TLL1: variants seen among roughly 807,000 people sequenced by gnomAD.
TLL1 encodes the protein tolloid like 1.
TLL1 carries 49 observed loss-of-function variants against 128.2 expected under a neutral mutation model. That is an observed-to-expected ratio of 0.38 (90% CI 0.30 to 0.48). The LOEUF (loss-of-function observed/expected upper bound fraction) is 0.48, where lower values mean the gene tolerates loss of function less well. TLL1 is among the 20% of genes least tolerant of loss of function. The pLI is 0.96. For synonymous variants in TLL1, 454 were observed against 418.8 expected, an observed-to-expected ratio of 1.08 and a Z score of -1.03; for missense variants, 1,123 against 1,242.0, an observed-to-expected ratio of 0.90 and a Z score of 1.44.
intron 1 of TLL1, among the ~76,000 whole-genome samples, chr4:165,879,089 C>T (rs988741522): frequency 6.6e-6 from 1 of 151,242 alleles, no homozygotes; most frequent in Admixed American, 6.6e-5. Context: ...GCCACCATGC[C>T]CAGCTAATTT....
At chr4:165,957,065 T>C (rs1734837958) in intron 1 of TLL1, among the ~76,000 whole-genome samples, 1 of 151,982 alleles carries the variant, frequency 6.6e-6, no homozygotes, top group South Asian at 2.1e-4. Context: ...AGTGGCAAGT[T>C]AGACAAAAAA....
intron 1 of TLL1, among the ~76,000 whole-genome samples, chr4:165,933,507 C>A (rs1003145215): frequency 6.6e-6 from 1 of 152,122 alleles, no homozygotes; most frequent in Non-Finnish European, 1.5e-5. Context: ...GCAGCCTGTC[C>A]ATCAGCTATT....
At chr4:165,961,104 T>TAAAG (rs1164888019) in intron 1 of TLL1, among the ~76,000 whole-genome samples, 2 of 152,084 alleles carry the variant, frequency 1.3e-5, no homozygotes, top group Non-Finnish European at 2.9e-5. Flanking sequence ...CTAGAACTGA[T>TAAAG]AAACAACTTC....
intron 12 of TLL1, among the ~76,000 whole-genome samples, chr4:166,046,617 C>T (rs1265021218): frequency 1.3e-5 from 2 of 152,188 alleles, no homozygotes; most frequent in African/African-American, 2.4e-5. Flanking sequence ...TTTTGAGTCA[C>T]CTAATGTGCC....
intron 8 of TLL1, among the ~76,000 whole-genome samples, chr4:166,024,413 G>A (rs572034626): frequency 1.2e-4 from 18 of 152,090 alleles, no homozygotes; most frequent in Admixed American, 4.6e-4. Context: ...GTCCTTCAGA[G>A]GGAAGGAACT....
At chr4:166,031,050 C>G in intron 9 of TLL1, 1 of 879,734 alleles carries the variant, frequency 1.1e-6, no homozygotes, top group Non-Finnish European at 1.4e-6. Flanking sequence ...TAAGTTAATA[C>G]CCATGTAAAA....
At chr4:166,081,111 G>T (rs1354310541) in intron 18 of TLL1, among the ~76,000 whole-genome samples, 1 of 152,138 alleles carries the variant, frequency 6.6e-6, no homozygotes, top group Admixed American at 6.5e-5. Context: ...AGTCTTCCAT[G>T]GGAGAGAGTT....
chr4:165,967,414 C>A (rs1735439540), intron 1 of TLL1, among the ~76,000 whole-genome samples: 1 of 152,124 alleles, frequency 6.6e-6, no homozygotes, highest in East Asian at 1.9e-4. Flanking sequence ...TGACAAATGT[C>A]CATGAAATCT....
intron 1 of TLL1, among the ~76,000 whole-genome samples, chr4:165,930,389 C>A (rs1488553288): frequency 6.6e-6 from 1 of 152,122 alleles, no homozygotes; most frequent in Non-Finnish European, 1.5e-5. Flanking sequence ...AAAGACTATT[C>A]ACTATATAAT....
At chr4:165,888,632 A>G (rs986277237) in intron 1 of TLL1, among the ~76,000 whole-genome samples, 6 of 151,930 alleles carry the variant, frequency 3.9e-5, no homozygotes, top group African/African-American at 1.5e-4. Context: ...GGCTTCTGTC[A>G]TAATGTCAAT....
Position 165,970,987 on chromosome 4 carries a change from G to A in TLL1, c.170-18394G>A, listed in dbSNP as rs572706273. ...CTTCCAGATTGCTTTCTTAGCTCAAGCAATCTGTCCTAGAGGGAAAGCCTC... is the reference window on the plus strand; with the variant it reads ...CTTCCAGATTGCTTTCTTAGCTCAAACAATCTGTCCTAGAGGGAAAGCCTC... On this transcript the variant is annotated intron_variant, in intron 1 of 20. Transcript: ENST00000061240. 2.6e-5 allele frequency among the ~76,000 whole-genome samples: 4 copies of A among 152,284 alleles called. No homozygotes were observed. The East Asian group carries it at 7.7e-4, about 29-fold the overall frequency.
At chr4:166,065,955 T>A in intron 16 of TLL1, 92 bp downstream of exon 16, 1 of 786,130 alleles carries the variant, frequency 1.3e-6, no homozygotes, top group Non-Finnish European at 1.7e-6. Context: ...TAGTTTTCTG[T>A]AAATGCAACT....
intron 1 of TLL1, among the ~76,000 whole-genome samples, chr4:165,879,686 T>G (rs1730893242): frequency 6.6e-6 from 1 of 152,062 alleles, no homozygotes; most frequent in East Asian, 1.9e-4. Flanking sequence ...AATAATCCAT[T>G]TAAAATGAGG....
At chr4:166,092,073 G>GT in intron 19 of TLL1, among the ~76,000 whole-genome samples, 1 of 152,054 alleles carries the variant, frequency 6.6e-6, no homozygotes, top group East Asian at 1.9e-4. Flanking sequence ...ATATTAGCTA[G>GT]TCATTTAGCT....
chr4:165,973,691 G>T (rs1228665773), intron 1 of TLL1, among the ~76,000 whole-genome samples: 1 of 150,848 alleles, frequency 6.6e-6, no homozygotes, highest in Non-Finnish European at 1.5e-5. Flanking sequence ...TTGAGATGGA[G>T]TCTTGCTGTG....
chr4:166,070,322 T>A (rs150955450), intron 16 of TLL1, among the ~76,000 whole-genome samples: 8 of 151,924 alleles, frequency 5.3e-5, no homozygotes, highest in Non-Finnish European at 1.0e-4. Context: ...AAATATTAGT[T>A]GGACTTTATA....
In TLL1 at chr4:166,065,861, C is replaced by T; in HGVS notation, c.2186C>T (p.Ser729Leu). Residue 729 changes from serine (S) to leucine (L), a missense_variant and splice_region_variant, in exon 16 of 21, where the codon TCA becomes TTA. Ser to Leu is a moderately radical substitution (Grantham distance 145, BLOSUM62 -2). Transcript: ENST00000061240. ...AAGGGCTTCAAAGCACATTTTTTCT[C>T]AGGTATAAGCATTCACATGTTGTAT... ...SKKGFKAHFF[S>L]DKDECSKDNG... 6 of 1,606,384 alleles carry T rather than the reference C, an allele frequency of 3.7e-6. No individual in the cohort carries two copies. The highest frequency in any genetic ancestry group is 5.1e-6 in the Non-Finnish European group (6 of 1,176,570).
intron 1 of TLL1, among the ~76,000 whole-genome samples, chr4:165,902,411 A>G (rs1732039409): frequency 6.6e-6 from 1 of 152,204 alleles, no homozygotes; most frequent in African/African-American, 2.4e-5. Context: ...CTTGTGGTGT[A>G]GGCACCTGAG....
chr4:166,064,425 G>T (rs1560847030), intron 15 of TLL1, among the ~76,000 whole-genome samples: 1 of 151,992 alleles, frequency 6.6e-6, no homozygotes, highest in Non-Finnish European at 1.5e-5. Context: ...TATAATTGAG[G>T]TATTGTGTTC....
Sources: gnomAD v4.1 joint callset for allele counts (sites outside exome capture counted in the v4.1 genomes callset) on GRCh38, gnomAD v4.1.1 for gene constraint, MANE v1.5 for transcripts, NCBI Gene and HGNC (gene_info 2026-07-23, HGNC 2026-07-21) for gene names.